C1QL1: variants seen among roughly 807,000 people sequenced by gnomAD.
The protein encoded by C1QL1 is C1q-related factor.
Under a neutral mutation model 14.2 loss-of-function variants are expected in C1QL1, and 15 were observed. The ratio of observed to expected loss-of-function variants is 1.06; its 90% CI spans 0.71 to 1.62. The LOEUF is 1.62. Among genes scored for constraint, C1QL1 ranks in the 40% most tolerant of loss-of-function variants. C1QL1 has a pLI of 0.00. For synonymous variants in C1QL1, 172 were observed against 172.4 expected, an observed-to-expected ratio of 1.00 and a Z score of 0.02; for missense variants, 346 against 380.3, an observed-to-expected ratio of 0.91 and a Z score of 0.75.
Position 44,959,847 on chromosome 17 carries a change from A to C in C1QL1, c.*341T>G. 1 of 239,190 alleles carries C rather than the reference A, an allele frequency of 4.2e-6. No individual in the cohort carries two copies. Among genetic ancestry groups the C allele is most frequent in the Non-Finnish European group, 8.0e-6 (1 of 124,820 alleles). 14.8% of individuals were successfully genotyped at this position (239,190 alleles called of 1,614,324 possible). On this transcript the variant is annotated 3_prime_UTR_variant, in exon 2 of 2. Transcript: ENST00000253407. Reference sequence around the variant, plus strand: ...CGGAGGGCAGCTCATCTCAGAGCGCAGGAAGCAAACCCGCCGCCGCGACCT... The same window carrying C: ...CGGAGGGCAGCTCATCTCAGAGCGCCGGAAGCAAACCCGCCGCCGCGACCT...
rs577644541 is a variant in C1QL1 at position 44,963,512 on chromosome 17, T to G, written c.598-3145A>C. ...ATCTTGGCTCACTGCAACTTCCACTTCCCAGGTTCAAGTGATTCTCCTACC... is the reference window on the plus strand; with the variant it reads ...ATCTTGGCTCACTGCAACTTCCACTGCCCAGGTTCAAGTGATTCTCCTACC... On this transcript the variant is annotated intron_variant, in intron 1 of 1. Transcript: ENST00000253407. Among the ~76,000 whole-genome samples the G allele has an allele frequency of 4.6e-5, 7 of 152,266 alleles. No individual in the cohort carries two copies. The East Asian group carries it at 1.3e-3, about 29-fold the overall frequency.
chr17:44,965,106 G>A (rs1474801022), intron 1 of C1QL1, among the ~76,000 whole-genome samples: 3 of 151,710 alleles, frequency 2.0e-5, no homozygotes, highest in East Asian at 1.9e-4. Context: ...TCCGCCTCCC[G>A]GGTTCACGCC....
chr17:44,967,778 C>G lies in C1QL1; in HGVS notation c.271G>C (p.Gly91Arg), dbSNP rs1437077245. Reference sequence around the variant, plus strand: ...TTCTCCCCCGGCGGCCCCACAGGGCCGGGAGGACCTGGGTCCCCGGGAGGC... The same window carrying G: ...TTCTCCCCCGGCGGCCCCACAGGGCGGGGAGGACCTGGGTCCCCGGGAGGC... ...PGPPGDPGPPGPVGPPGEKGE... is the reference protein window; with the variant it reads ...PGPPGDPGPPRPVGPPGEKGE... Residue 91 changes from glycine (G) to arginine (R), a missense_variant, in exon 1 of 2, where the codon GGC becomes CGC. Physicochemically the swap from Gly to Arg is moderately radical, Grantham distance 125. Coordinates refer to ENST00000253407, the MANE Select transcript of C1QL1 (RefSeq NM_006688.5). The surrounding 1 kb of genome is among the most constrained non-coding windows in gnomAD (Gnocchi z 7.0). 6.6e-7 allele frequency: 1 copy of G among 1,519,446 alleles called. No homozygotes were observed. Among genetic ancestry groups the G allele is most frequent in the Non-Finnish European group, 8.8e-7 (1 of 1,142,114 alleles). The allele number at this position is 1,519,446 out of a possible 1,614,324, so 94.1% of individuals were successfully genotyped here. A position where few individuals can be genotyped will look rare whatever the true frequency, so the allele number is the denominator to read the frequency against.
chr17:44,967,803 C>T lies in C1QL1; in HGVS notation c.246G>A (p.Gly82=), dbSNP rs1349998200. 2.3e-5 allele frequency: 33 copies of T among 1,435,618 alleles called. 1 individual carries two copies. In the Admixed American group the frequency reaches 1.0e-3, roughly 43 times the overall value. The allele number at this position is 1,435,618 out of a possible 1,614,324, so 88.9% of individuals were successfully genotyped here. A position where few individuals can be genotyped will look rare whatever the true frequency, so the allele number is the denominator to read the frequency against. The stretch of plus-strand genomic sequence containing the variant: ...CGGGAGGACCTGGGTCCCCGGGAGG[C>T]CCCGGAGGGCCGGGCTTGCCGGTGC... ...PGRTGKPGPP[G]PPGDPGPPGP... The change falls in exon 1 of 2, where the codon GGG becomes GGA. Residue 82 remains glycine (G), a synonymous_variant. Transcript: ENST00000253407. This position sits in a 1 kb window ranked among gnomAD's most constrained non-coding sequence, Gnocchi z 7.0.
At chr17:44,961,892 CA>C (rs1216209496) in intron 1 of C1QL1, among the ~76,000 whole-genome samples, 288 of 59,180 alleles carry the variant, frequency 4.9e-3, no homozygotes, top group East Asian at 0.029. Context: ...GACTCCGTCT[CA>C]AAAAAAAAAA....
At position 44,967,938 on chromosome 17, in the gene C1QL1, C is replaced by G; in HGVS notation, c.111G>C (p.Ala37=). 7.8e-7 allele frequency: 1 copy of G among 1,288,896 alleles called. No homozygotes were observed. Among genetic ancestry groups the G allele is most frequent in the Non-Finnish European group, 9.8e-7 (1 of 1,022,784 alleles). The allele number at this position is 1,288,896 out of a possible 1,614,324, so 79.8% of individuals were successfully genotyped here. ...TCCGCGCGCCGGCGCCGGGGCCCCG[C>G]GCGGGGTAGGGGTCGCACACCATGC... ...TCRMVCDPYP[A]RGPGAGARTD... The change falls in exon 1 of 2, where the codon GCG becomes GCC. Residue 37 remains alanine, a synonymous_variant. Coordinates refer to ENST00000253407, the MANE Select transcript of C1QL1 (RefSeq NM_006688.5). The surrounding 1 kb of genome is among the most constrained non-coding windows in gnomAD (Gnocchi z 7.0).
Position 44,967,098 on chromosome 17 carries a change from C to G in C1QL1, c.597+354G>C, listed in dbSNP as rs1272254016. ...GAGCCCATCCTTGCCCTCCCCTTAT[C>G]GCCCACTGCTGTCGGCCCGAATCCA... On this transcript the variant is annotated intron_variant, in intron 1 of 1. Transcript: ENST00000253407. This position sits in a 1 kb window ranked among gnomAD's most constrained non-coding sequence, Gnocchi z 7.0. 6.6e-6 allele frequency among the ~76,000 whole-genome samples: 1 copy of G among 152,270 alleles called. No individual in the cohort carries two copies. Among genetic ancestry groups the G allele is most frequent in the Non-Finnish European group, 1.5e-5 (1 of 68,052 alleles).
At chr17:44,964,441 G>T (rs939548712) in intron 1 of C1QL1, among the ~76,000 whole-genome samples, 2 of 152,222 alleles carry the variant, frequency 1.3e-5, no homozygotes, top group Non-Finnish European at 2.9e-5. Context: ...TCCTCACTTT[G>T]CAGACCAAGG....
intron 1 of C1QL1, among the ~76,000 whole-genome samples, chr17:44,962,788 C>G (rs3024290): frequency 1.1e-4 from 17 of 152,300 alleles, no homozygotes; most frequent in African/African-American, 3.6e-4. Flanking sequence ...CCTTAATAGC[C>G]AAATCCATTG....
Position 44,967,431 on chromosome 17 carries a change from C to G in C1QL1, c.597+21G>C. The G allele has an allele frequency of 1.9e-6, 3 of 1,609,870 alleles. No homozygotes were observed. In the South Asian group the frequency reaches 3.3e-5, roughly 18 times the overall value. On this transcript the variant is annotated intron_variant, in intron 1 of 1. Coordinates refer to ENST00000253407, the MANE Select transcript of C1QL1 (RefSeq NM_006688.5). The surrounding 1 kb of genome is among the most constrained non-coding windows in gnomAD (Gnocchi z 7.0). Reference sequence around the variant, plus strand: ...TGGGTGCCCTGGGCCCAGCCCAGCCCCATGCCCCCGCCTGGCCCACCTGGC... The same window carrying G: ...TGGGTGCCCTGGGCCCAGCCCAGCCGCATGCCCCCGCCTGGCCCACCTGGC...
chr17:44,965,125 G>A (rs759618294), intron 1 of C1QL1, among the ~76,000 whole-genome samples: 10 of 151,856 alleles, frequency 6.6e-5, no homozygotes, highest in South Asian at 4.2e-4. Context: ...CCATTCTCCC[G>A]CCTTAGCCTC....
At position 44,968,128 on chromosome 17, in the gene C1QL1, G is replaced by T. The variant is rs1286220700; in HGVS notation, c.-80C>A. The T allele has an allele frequency of 2.2e-5, 21 of 960,100 alleles. No individual in the cohort carries two copies. The highest frequency in any genetic ancestry group is 2.8e-5 in the Non-Finnish European group (21 of 762,096). 59.5% of individuals were successfully genotyped at this position (960,100 alleles called of 1,614,324 possible). On this transcript the variant is annotated 5_prime_UTR_variant, in exon 1 of 2. Coordinates refer to ENST00000253407, the MANE Select transcript of C1QL1 (RefSeq NM_006688.5). ...GAGCGCCGGGCCGCCCGGCCGCGCC[G>T]TCGGGGCAATGGTGCCGGCGGGCAG...
At chr17:44,963,533 C>T (rs2143025215) in intron 1 of C1QL1, among the ~76,000 whole-genome samples, 1 of 152,240 alleles carries the variant, frequency 6.6e-6, no homozygotes, top group South Asian at 2.1e-4. Flanking sequence ...AGTGATTCTC[C>T]TACCTCAGCC....
At chr17:44,965,299 A>G (rs1368332272) in intron 1 of C1QL1, among the ~76,000 whole-genome samples, 1 of 152,138 alleles carries the variant, frequency 6.6e-6, no homozygotes, top group African/African-American at 2.4e-5. Flanking sequence ...GGCGTGAGCC[A>G]CCGTGCCTGG....
At chr17:44,963,103 TG>T (rs1345758644) in intron 1 of C1QL1, among the ~76,000 whole-genome samples, 3 of 152,144 alleles carry the variant, frequency 2.0e-5, no homozygotes, top group Non-Finnish European at 4.4e-5. Flanking sequence ...GGCCTTGTTA[TG>T]AGGGAGCGCT....
intron 1 of C1QL1, among the ~76,000 whole-genome samples, chr17:44,965,051 C>T (rs1442582494): frequency 6.7e-6 from 1 of 150,242 alleles, no homozygotes; most frequent in African/African-American, 2.5e-5. Context: ...CTCGCTCTGT[C>T]ACCCAGGCTG....
rs2052662581 is a variant in C1QL1, at chr17:44,967,413, C to T, written c.597+39G>A. On this transcript the variant is annotated intron_variant, in intron 1 of 1. Transcript: ENST00000253407. This position sits in a 1 kb window ranked among gnomAD's most constrained non-coding sequence, Gnocchi z 7.0. Reference sequence around the variant, plus strand: ...CATTTGCCCCGGGCTCCCTGGGTGCCCTGGGCCCAGCCCAGCCCCATGCCC... The same window carrying T: ...CATTTGCCCCGGGCTCCCTGGGTGCTCTGGGCCCAGCCCAGCCCCATGCCC... 2 of 1,597,948 alleles carry T rather than the reference C, an allele frequency of 1.3e-6. No homozygotes were observed. Among genetic ancestry groups the T allele is most frequent in the Non-Finnish European group, 1.7e-6 (2 of 1,171,408 alleles).
Position 44,967,940 on chromosome 17 carries a change from C to T in C1QL1, c.109G>A (p.Ala37Thr). 7.7e-7 allele frequency: 1 copy of T among 1,291,994 alleles called. No individual in the cohort carries two copies. The highest frequency in any genetic ancestry group is 3.2e-5 in the Admixed American group (1 of 30,834). The allele number at this position is 1,291,994 out of a possible 1,614,324, so 80.0% of individuals were successfully genotyped here. A position where few individuals can be genotyped will look rare whatever the true frequency, so the allele number is the denominator to read the frequency against. ...TCRMVCDPYP[A>T]RGPGAGARTD... ...CGCGCGCCGGCGCCGGGGCCCCGCG[C>T]GGGGTAGGGGTCGCACACCATGCGG... The change falls in exon 1 of 2, where the codon GCG (alanine) becomes ACG (threonine). Residue 37 changes from alanine to threonine, a missense_variant. By Grantham distance (58) the Ala-to-Thr change is moderately conservative. Transcript: ENST00000253407. This position sits in a 1 kb window ranked among gnomAD's most constrained non-coding sequence, Gnocchi z 7.0.
intron 1 of C1QL1, among the ~76,000 whole-genome samples, chr17:44,963,884 C>G (rs2052641887): frequency 6.6e-6 from 1 of 152,232 alleles, no homozygotes; most frequent in African/African-American, 2.4e-5. Flanking sequence ...CCTGGCACAT[C>G]CTCACAAAGC....
Sources: gnomAD v4.1 joint callset for allele counts (sites outside exome capture counted in the v4.1 genomes callset) on GRCh38, gnomAD v4.1.1 for gene constraint, Gnocchi (gnomAD v3.1) non-coding constraint, MANE v1.5 for transcripts, NCBI Gene and HGNC (gene_info 2026-07-23, HGNC 2026-07-21) for gene names.